TK2: variants seen among roughly 807,000 people sequenced by gnomAD.
TK2 encodes the protein thymidine kinase 2, also known as thymidine kinase 2, mitochondrial.
TK2 carries 35 observed loss-of-function variants against 41.9 expected under a neutral mutation model. The ratio of observed to expected loss-of-function variants is 0.84; its 90% confidence interval spans 0.64 to 1.11. The LOEUF (loss-of-function observed/expected upper bound fraction) is 1.11. TK2 is among the 50% of genes least tolerant of loss of function. The pLI is 0.00. For synonymous variants in TK2, 128 were observed against 129.1 expected (o/e 0.99, Z 0.06); for missense variants, 320 against 351.1 (o/e 0.91, Z 0.71).
chr16:66,521,796 G>T (rs1428408383), intron 6 of TK2, among the ~76,000 whole-genome samples: 1 of 152,110 alleles, frequency 6.6e-6, no homozygotes, highest in Non-Finnish European at 1.5e-5. Context: ...TCCAAGCTTG[G>T]CAAATCCAAG....
chr16:66,528,956 G>A (rs781094337), intron 6 of TK2, 38 bp downstream of exon 6: 10 of 1,581,998 alleles, frequency 6.3e-6, no homozygotes, highest in Non-Finnish European at 7.8e-6. Flanking sequence ...TGAAAAATTA[G>A]TGGTTTAATA....
In TK2 at chr16:66,541,912, G is replaced by C. The variant is rs281865488; in HGVS notation, c.198C>G (p.Cys66Trp). ...CTGTCGCGTTGGAGAAGAATTCCAG[G>C]CATGTCGTCTTCCCACTTGCAATAT... ...EGNIASGKTT[C>W]LEFFSNATDV... is the part of the protein sequence containing the mutation. Residue 66 changes from cysteine (C) to tryptophan (W), a missense_variant, in exon 3 of 10, where the codon TGC becomes TGG. Cys to Trp is a radical substitution (Grantham distance 215). Transcript: ENST00000544898. The C allele has an allele frequency of 1.2e-6, 2 of 1,614,102 alleles. No individual in the cohort carries two copies. Among genetic ancestry groups the C allele is most frequent in the Non-Finnish European group, 1.7e-6 (2 of 1,180,012 alleles).
chr16:66,531,431 C>CTCT lies in TK2; in HGVS notation c.323_324insAGA (p.Thr108_Leu109insGlu). On this transcript the variant is annotated inframe_insertion, in exon 5 of 10. Coordinates refer to ENST00000544898, the MANE Select transcript of TK2 (RefSeq NM_004614.5). ...TGGTGAGCTGCACATAAGTCTGTAGCGTAAGACCCCAGCGAGAGGCATCGT... is the reference window on the plus strand; with the variant it reads ...TGGTGAGCTGCACATAAGTCTGTAGCTCTGTAAGACCCCAGCGAGAGGCATCGT... 1.9e-6 allele frequency: 3 copies of CTCT among 1,614,162 alleles called. No homozygotes were observed. The highest frequency in any genetic ancestry group is 1.7e-6 in the Non-Finnish European group (2 of 1,180,038).
At chr16:66,521,008 G>A (rs1231631431) in intron 6 of TK2, among the ~76,000 whole-genome samples, 1 of 152,180 alleles carries the variant, frequency 6.6e-6, no homozygotes, top group Non-Finnish European at 1.5e-5. Context: ...CAGCAACTGG[G>A]GAGAAGCTGA....
At chr16:66,519,544 C>A (rs1173610155) in intron 6 of TK2, among the ~76,000 whole-genome samples, 1 of 152,152 alleles carries the variant, frequency 6.6e-6, no homozygotes, top group Non-Finnish European at 1.5e-5. Context: ...GAAGGAAGAA[C>A]GAGCCAGGGT....
chr16:66,532,974 A>C (rs960552371), intron 4 of TK2, among the ~76,000 whole-genome samples: 4 of 152,170 alleles, frequency 2.6e-5, no homozygotes, highest in Non-Finnish European at 5.9e-5. Flanking sequence ...GCCTGACTTC[A>C]TAACTGTTCT....
rs1307767949 is a variant in TK2, at chr16:66,517,793, C to T, written c.534G>A (p.Leu178=). 6.2e-7 allele frequency: 1 copy of T among 1,613,990 alleles called. No individual in the cohort carries two copies. Among genetic ancestry groups the T allele is most frequent in the South Asian group, 1.1e-5 (1 of 91,074 alleles). ...GGTGGGAGGGGTGCATCTCACCTAT[C>T]AAATCAACAGACACGTCCATGTTCC... ...ILRNMDVSVD[L]IVYLRTNPET... Residue 178 remains leucine (L), a synonymous_variant, in exon 7 of 10, where the codon TTG becomes TTA. Transcript: ENST00000544898. This position sits in a 1 kb window ranked among gnomAD's most constrained non-coding sequence, Gnocchi z 4.3.
Position 66,512,016 on chromosome 16 carries a change from T to A in TK2, c.750A>T (p.Gln250His). Residue 250 changes from glutamine to histidine, a missense_variant, in exon 10 of 10, where the codon CAA becomes CAT. Transcript: ENST00000544898. ...CTGGAGTTAATATTCGATCCCGATT[T>A]TGTTCAAAGAGTTCTAACATCCTCT... ...HMERMLELFE[Q>H]NRDRILTPEN... 6.2e-7 allele frequency: 1 copy of A among 1,614,206 alleles called. No homozygotes were observed. The highest frequency in any genetic ancestry group is 8.5e-7 in the Non-Finnish European group (1 of 1,180,040).
At chr16:66,519,837 G>C (rs576027309) in intron 6 of TK2, among the ~76,000 whole-genome samples, 3 of 152,218 alleles carry the variant, frequency 2.0e-5, no homozygotes, top group Non-Finnish European at 4.4e-5. Flanking sequence ...CAGTGGGGAG[G>C]GGGCAGGGAG....
chr16:66,537,296 C>T (rs1264899251), intron 3 of TK2, among the ~76,000 whole-genome samples: 1 of 152,164 alleles, frequency 6.6e-6, no homozygotes, highest in African/African-American at 2.4e-5. Flanking sequence ...TCTCTATTGC[C>T]CTGGTAGCCT....
chr16:66,515,057 A>G (rs1439905788), intron 8 of TK2, among the ~76,000 whole-genome samples: 3 of 152,078 alleles, frequency 2.0e-5, no homozygotes, highest in Non-Finnish European at 4.4e-5. Flanking sequence ...CTGCCTAGGA[A>G]AACCAGAGAC....
intron 6 of TK2, among the ~76,000 whole-genome samples, chr16:66,525,360 T>C (rs1160383456): frequency 6.6e-6 from 1 of 152,242 alleles, no homozygotes; most frequent in East Asian, 1.9e-4. Flanking sequence ...ATGTAAATTA[T>C]TATTTTTAGA....
chr16:66,536,856 G>A, intron 4 of TK2, 108 bp downstream of exon 4: 1 of 1,351,210 alleles, frequency 7.4e-7, no homozygotes, highest in South Asian at 1.2e-5. Flanking sequence ...CTCCAACTCA[G>A]TTAAGAGCGC....
chr16:66,521,067 G>A (rs1466355253), intron 6 of TK2, among the ~76,000 whole-genome samples: 4 of 152,182 alleles, frequency 2.6e-5, no homozygotes, highest in East Asian at 1.9e-4. Context: ...ACTAGCCACC[G>A]GAGTACCTCA....
chr16:66,542,174 C>T (rs913083826), intron 2 of TK2, among the ~76,000 whole-genome samples: 1 of 152,178 alleles, frequency 6.6e-6, no homozygotes, highest in African/African-American at 2.4e-5. Context: ...GTGGTCCCCC[C>T]AGACCAGATC....
At chr16:66,525,540 G>A (rs1164876151) in intron 6 of TK2, among the ~76,000 whole-genome samples, 1 of 152,178 alleles carries the variant, frequency 6.6e-6, no homozygotes, top group Admixed American at 6.5e-5. Flanking sequence ...TGCCTTCAGA[G>A]GAATCCGATG....
chr16:66,527,237 G>C (rs1045489075), intron 6 of TK2, among the ~76,000 whole-genome samples: 1 of 152,222 alleles, frequency 6.6e-6, no homozygotes, highest in African/African-American at 2.4e-5. Context: ...AGGGGGCAAA[G>C]CCACGGCCAG....
intron 5 of TK2, among the ~76,000 whole-genome samples, chr16:66,529,557 T>C (rs1965044157): frequency 6.6e-6 from 1 of 152,200 alleles, no homozygotes. Flanking sequence ...CCAAGGAAAC[T>C]GGTAAGAACG....
At chr16:66,549,630 G>A (rs1965721506) in intron 1 of TK2, 1 of 1,174,714 alleles carries the variant, frequency 8.5e-7, no homozygotes, top group Non-Finnish European at 1.0e-6. Flanking sequence ...TCGCCCCCAA[G>A]GTCGAAAGAA....
Sources: allele counts gnomAD v4.1 joint callset (sites outside exome capture counted in the v4.1 genomes callset), GRCh38; gene constraint gnomAD v4.1.1; non-coding constraint Gnocchi (gnomAD v3.1); transcripts MANE v1.5; gene names NCBI Gene and HGNC (gene_info 2026-07-23, HGNC 2026-07-21).